Variants in EPHB1 observed in about 807,000 individuals in gnomAD.
EPHB1 encodes EPH receptor B1.
A neutral mutation model predicts 94.4 loss-of-function variants in EPHB1; 30 were observed. That is an observed-to-expected ratio of 0.32 (90% CI 0.24 to 0.43). The LOEUF (loss-of-function observed/expected upper bound fraction) is 0.43. EPHB1 is among the 20% of genes least tolerant of loss of function. The pLI, the probability that EPHB1 is intolerant of heterozygous loss-of-function variation, is 1.00. For synonymous variants in EPHB1, 522 were observed against 489.1 expected (o/e 1.07, Z -0.89); for missense variants, 1,055 against 1,308.3 (o/e 0.81, Z 2.99).
At chr3:135,088,504 C>T (rs1302730617) in intron 3 of EPHB1, among the ~76,000 whole-genome samples, 1 of 152,018 alleles carries the variant, frequency 6.6e-6, no homozygotes, top group Non-Finnish European at 1.5e-5. Context: ...AAAATAAGTC[C>T]GGGTTGGATG....
At chr3:135,094,536 G>T (rs545564710) in intron 3 of EPHB1, among the ~76,000 whole-genome samples, 66 of 152,298 alleles carry the variant, frequency 4.3e-4, no homozygotes, top group African/African-American at 1.6e-3. Flanking sequence ...CTATTCTGAG[G>T]CAGGCAGGGC....
At chr3:135,237,051 T>C (rs994547057) in intron 12 of EPHB1, among the ~76,000 whole-genome samples, 8 of 152,216 alleles carry the variant, frequency 5.3e-5, no homozygotes, top group African/African-American at 1.9e-4. Context: ...CTGAGGCTCA[T>C]CATTACCATG....
At chr3:134,836,412 A>G (rs933753794) in intron 1 of EPHB1, among the ~76,000 whole-genome samples, 7 of 152,362 alleles carry the variant, frequency 4.6e-5, no homozygotes, top group East Asian at 3.9e-4. Context: ...ACCTGAAAAT[A>G]TAGTAATCTT....
At chr3:135,184,312 G>T (rs1294411118) in intron 10 of EPHB1, among the ~76,000 whole-genome samples, 6 of 152,164 alleles carry the variant, frequency 3.9e-5, no homozygotes, top group Non-Finnish European at 7.3e-5. Flanking sequence ...TTGTGAGGCT[G>T]AAAAGTTGCA....
intron 1 of EPHB1, among the ~76,000 whole-genome samples, chr3:134,808,239 TC>T (rs1198931734): frequency 6.6e-6 from 1 of 152,196 alleles, no homozygotes; most frequent in East Asian, 1.9e-4. Flanking sequence ...AAATTCTCGC[TC>T]CCCGTAGCTC....
intron 11 of EPHB1, among the ~76,000 whole-genome samples, chr3:135,193,637 A>G (rs1004084688): frequency 1.6e-4 from 24 of 152,204 alleles, no homozygotes; most frequent in African/African-American, 5.3e-4. Flanking sequence ...CTTCTGAGCA[A>G]GGACTTCAGA....
At chr3:134,901,178 A>G (rs2038195423) in intron 1 of EPHB1, among the ~76,000 whole-genome samples, 3 of 152,190 alleles carry the variant, frequency 2.0e-5, no homozygotes, top group Admixed American at 2.0e-4. Flanking sequence ...CACATCTAAA[A>G]TAATTAACAC....
chr3:135,154,346 G>T (rs1426102489), intron 6 of EPHB1, 70 bp downstream of exon 6: 26 of 1,599,672 alleles, frequency 1.6e-5, no homozygotes, highest in Non-Finnish European at 2.1e-5. Context: ...GTTGCTAGCT[G>T]AAGGCACAAA....
chr3:134,846,408 T>G (rs2108298098), intron 1 of EPHB1, among the ~76,000 whole-genome samples: 1 of 152,320 alleles, frequency 6.6e-6, no homozygotes, highest in Non-Finnish European at 1.5e-5. Context: ...TAATGCTGCC[T>G]TTGCGATACC....
chr3:135,123,106 T>TC (rs1940043597), intron 4 of EPHB1, among the ~76,000 whole-genome samples: 1 of 152,164 alleles, frequency 6.6e-6, no homozygotes, highest in Non-Finnish European at 1.5e-5. Flanking sequence ...ATTAGGTGCC[T>TC]CTACCCCAGG....
rs1290701675 is a variant in EPHB1 at position 135,201,357 on chromosome 3, T to C, written c.2131-117T>C. The C allele has an allele frequency of 4.2e-6, 4 of 951,904 alleles. No homozygotes were observed. In the South Asian group the frequency reaches 4.3e-5, roughly 10 times the overall value. The allele number at this position is 951,904 out of a possible 1,614,324, so 59.0% of individuals were successfully genotyped here. ...GGAGTGGGAAGAGAGGAGGACACAGTGAGTGGCTTGGCCTGGAGCAGACAG... is the reference window on the plus strand; with the variant it reads ...GGAGTGGGAAGAGAGGAGGACACAGCGAGTGGCTTGGCCTGGAGCAGACAG... On this transcript the variant is annotated intron_variant, in intron 11 of 15. Transcript: ENST00000398015.
chr3:135,035,772 A>C (rs922547500), intron 3 of EPHB1, among the ~76,000 whole-genome samples: 2 of 152,218 alleles, frequency 1.3e-5, no homozygotes, highest in Non-Finnish European at 2.9e-5. Flanking sequence ...CATTAGTCAT[A>C]TACCATTCCA....
At position 135,162,071 on chromosome 3, in the gene EPHB1, G is replaced by C. The variant is rs1468456796; in HGVS notation, c.1476G>C (p.Arg492Ser). The C allele has an allele frequency of 6.2e-7, 1 of 1,613,554 alleles. No homozygotes were observed. Among genetic ancestry groups the C allele is most frequent in the East Asian group, 2.2e-5 (1 of 44,866 alleles). ...CCAGGAGTCAGACCAACACAGCAAG[G>C]ATTGATGGGCTGCGGCCTGGCATGG... ...SMARSQTNTA[R>S]IDGLRPGMVY... Residue 492 changes from arginine to serine, a missense_variant, in exon 7 of 16, where the codon AGG (arginine) becomes AGC (serine). By Grantham distance (110) the Arg-to-Ser change is moderately radical (BLOSUM62 -1). Transcript: ENST00000398015.
intron 4 of EPHB1, among the ~76,000 whole-genome samples, chr3:135,117,065 A>G (rs1939749466): frequency 6.6e-6 from 1 of 152,256 alleles, no homozygotes. Context: ...TCCACTTGGC[A>G]TAAAGGTAGA....
At chr3:135,156,576 A>C (rs1576433073) in intron 6 of EPHB1, among the ~76,000 whole-genome samples, 1 of 152,248 alleles carries the variant, frequency 6.6e-6, no homozygotes, top group East Asian at 1.9e-4. Context: ...ATGGATCACC[A>C]ATCCCAGTCT....
intron 4 of EPHB1, among the ~76,000 whole-genome samples, chr3:135,109,817 C>T (rs1358403973): frequency 6.6e-6 from 1 of 152,194 alleles, no homozygotes; most frequent in African/African-American, 2.4e-5. Flanking sequence ...AGAAGCTGGG[C>T]AGGAGCAATG....
chr3:134,960,548 T>C (rs1224475654), intron 3 of EPHB1, among the ~76,000 whole-genome samples: 1 of 152,178 alleles, frequency 6.6e-6, no homozygotes, highest in Non-Finnish European at 1.5e-5. Flanking sequence ...AAGCTATCCA[T>C]AAGACAGAGA....
chr3:135,152,335 C>T (rs1941220022), intron 5 of EPHB1, among the ~76,000 whole-genome samples: 1 of 152,112 alleles, frequency 6.6e-6, no homozygotes, highest in Non-Finnish European at 1.5e-5. Flanking sequence ...GTGAGACTTA[C>T]CTAAGTATAG....
At chr3:134,897,454 C>T (rs1480732958) in intron 1 of EPHB1, among the ~76,000 whole-genome samples, 1 of 152,202 alleles carries the variant, frequency 6.6e-6, no homozygotes, top group Non-Finnish European at 1.5e-5. Flanking sequence ...ACATCACACG[C>T]AGGCCTCTTA....
Sources: gnomAD v4.1 joint callset for allele counts (sites outside exome capture counted in the v4.1 genomes callset) on GRCh38, gnomAD v4.1.1 for gene constraint, MANE v1.5 for transcripts, NCBI Gene and HGNC (gene_info 2026-07-23, HGNC 2026-07-21) for gene names.